Variants in CHLSN observed in about 807,000 individuals in gnomAD.
CHLSN encodes the protein protein cholesin.
At chr7:1,020,849 T>C in the CHLSN span, among the ~76,000 whole-genome samples, 1 of 152,176 alleles carries the variant, frequency 6.6e-6, no homozygotes, top group Non-Finnish European at 1.5e-5. Context: ...TCAGGACCCC[T>C]CGACTTTCTT....
At chr7:1,073,750 C>T in the CHLSN span, among the ~76,000 whole-genome samples, 17 of 128,548 alleles carry the variant, frequency 1.3e-4, no homozygotes, top group Admixed American at 2.3e-4. Context: ...TCACACACCC[C>T]GACCCCGCTG....
At chr7:1,071,470 T>TG in the CHLSN span, among the ~76,000 whole-genome samples, 20 of 151,860 alleles carry the variant, frequency 1.3e-4, no homozygotes, top group African/African-American at 4.8e-5. Flanking sequence ...TGGGGGCAGC[T>TG]GGGGGGCTCC....
At chr7:1,013,825 T>C in the CHLSN span, among the ~76,000 whole-genome samples, 1 of 152,190 alleles carries the variant, frequency 6.6e-6, no homozygotes, top group Admixed American at 6.5e-5. Flanking sequence ...TCAGACTTGA[T>C]GAAATACAGA....
At chr7:982,353 G>A in the CHLSN span, among the ~76,000 whole-genome samples, 1 of 152,244 alleles carries the variant, frequency 6.6e-6, no homozygotes, top group South Asian at 2.1e-4. Context: ...GACAGGCTGT[G>A]GGGAGGGTCC....
At chr7:1,022,947 G>T in the CHLSN span, 1 of 467,250 alleles carries the variant, frequency 2.1e-6, no homozygotes, top group Non-Finnish European at 4.3e-6. Context: ...AGACACTGGG[G>T]CAGGCGCCGG....
At chr7:1,088,537 C>T in the CHLSN span, among the ~76,000 whole-genome samples, 17 of 152,194 alleles carry the variant, frequency 1.1e-4, no homozygotes, top group Non-Finnish European at 2.4e-4. The surrounding 1 kb of genome is among the most constrained non-coding windows in gnomAD (Gnocchi z 4.5). Flanking sequence ...AGGGGCTTTG[C>T]CTGGACGGCC....
the CHLSN span, among the ~76,000 whole-genome samples, chr7:1,062,313 G>A: frequency 1.3e-4 from 20 of 152,238 alleles, no homozygotes; most frequent in Admixed American, 4.6e-4. Context: ...CACAGCACAC[G>A]ACAGAGGGAA....
At chr7:997,448 G>A in the CHLSN span, 1 of 556,832 alleles carries the variant, frequency 1.8e-6, no homozygotes, top group African/African-American at 2.0e-5. Flanking sequence ...AGGAGGGAAG[G>A]GGCCCTTGCG....
chr7:1,071,387 G>A, the CHLSN span, among the ~76,000 whole-genome samples: 1 of 152,222 alleles, frequency 6.6e-6, no homozygotes, highest in East Asian at 1.9e-4. Flanking sequence ...CACTAGCACT[G>A]GTAGTCTCAG....
chr7:1,028,557 C>T, the CHLSN span: 1 of 985,124 alleles, frequency 1.0e-6, no homozygotes, highest in South Asian at 4.7e-5. Context: ...TCTGGCCGCC[C>T]GGGTCTCCGG....
the CHLSN span, among the ~76,000 whole-genome samples, chr7:1,124,600 T>G: frequency 2.1e-5 from 3 of 140,416 alleles, no homozygotes; most frequent in African/African-American, 2.7e-5. Context: ...CATTGGGAGA[T>G]ATACCTAATG....
At chr7:1,117,220 C>T in the CHLSN span, among the ~76,000 whole-genome samples, 5 of 33,148 alleles carry the variant, frequency 1.5e-4, 1 homozygote, top group East Asian at 9.8e-4. Context: ...CTTCCATCAC[C>T]GACGTCCACG....
chr7:1,070,378 C>A, the CHLSN span, among the ~76,000 whole-genome samples: 1 of 122,496 alleles, frequency 8.2e-6, no homozygotes, highest in African/African-American at 2.7e-5. Flanking sequence ...CCCCGCCCGG[C>A]CAGCCGCCCC....
the CHLSN span, among the ~76,000 whole-genome samples, chr7:1,027,692 G>C: frequency 6.6e-6 from 1 of 152,278 alleles, no homozygotes; most frequent in South Asian, 2.1e-4. Flanking sequence ...GCGCCAGTGG[G>C]GGCCGCCTTG....
chr7:1,134,965 C>A, the CHLSN span, among the ~76,000 whole-genome samples: 1 of 152,244 alleles, frequency 6.6e-6, no homozygotes, highest in East Asian at 1.9e-4. Context: ...CAGGCTTTTG[C>A]CCCAAACACC....
the CHLSN span, among the ~76,000 whole-genome samples, chr7:1,130,605 C>A: frequency 2.6e-5 from 4 of 152,270 alleles, no homozygotes; most frequent in East Asian, 5.8e-4. Context: ...TACACTCCTC[C>A]CCACCCTCCA....
chr7:1,058,361 A>T, the CHLSN span: 1 of 779,154 alleles, frequency 1.3e-6, no homozygotes, highest in Admixed American at 1.7e-5. Context: ...ATTTCTCCAA[A>T]CTCCTGGCCT....
At chr7:1,048,383 G>A in the CHLSN span, among the ~76,000 whole-genome samples, 1 of 152,078 alleles carries the variant, frequency 6.6e-6, no homozygotes, top group African/African-American at 2.4e-5. Flanking sequence ...TTCCTCTGCT[G>A]GTTTCTGTTT....
the CHLSN span, among the ~76,000 whole-genome samples, chr7:1,071,385 C>T: frequency 6.6e-6 from 1 of 152,220 alleles, no homozygotes; most frequent in African/African-American, 2.4e-5. Context: ...GGCACTAGCA[C>T]TGGTAGTCTC....
Sources: gnomAD v4.1 joint callset for allele counts (sites outside exome capture counted in the v4.1 genomes callset) on GRCh38, gnomAD v4.1.1 for gene constraint, Gnocchi (gnomAD v3.1) non-coding constraint, MANE v1.5 for transcripts, NCBI Gene and HGNC (gene_info 2026-07-23, HGNC 2026-07-21) for gene names.